The following RASAL3 variants were observed in gnomAD, a reference collection of about 807,000 sequenced individuals.
The protein encoded by RASAL3 is RAS protein activator like 3, also known as RAS protein activator like-3.
A neutral mutation model predicts 105.5 loss-of-function variants in RASAL3; 74 were observed. The ratio of observed to expected loss-of-function variants is 0.70; its 90% CI spans 0.58 to 0.85. The LOEUF (loss-of-function observed/expected upper bound fraction) is 0.85. Among genes scored for constraint, RASAL3 ranks in the 40% least tolerant of loss-of-function variants. The pLI, the probability that RASAL3 is intolerant of heterozygous loss-of-function variation, is 0.00. For synonymous variants in RASAL3, 579 were observed against 591.6 expected (o/e 0.98, Z 0.31); for missense variants, 1,352 against 1,392.0 (o/e 0.97, Z 0.46).
In RASAL3 at chr19:15,454,139, T is replaced by C. The variant is rs776654238; in HGVS notation, c.2279+10A>G. ...CCACCCATCAGACCCCAGACCAGAC[T>C]TGAGGTTACCTGGAGTGGACCTGGG... is the stretch of plus-strand genomic sequence containing the variant. On this transcript the variant is annotated intron_variant, in intron 14 of 17. Transcript: ENST00000343625. 18 of 1,548,246 alleles carry C rather than the reference T, an allele frequency of 1.2e-5. No homozygotes were observed. The South Asian group carries it at 2.2e-4, about 19-fold the overall frequency.
At position 15,454,495 on chromosome 19, in the gene RASAL3, GCATGGCTGGTC is replaced by G. The variant is rs1194708281; in HGVS notation, c.2015_2025del (p.Gly672AlafsTer24). On this transcript the variant is annotated frameshift_variant, in exon 13 of 18. Coordinates refer to ENST00000343625, the MANE Select transcript of RASAL3 (RefSeq NM_022904.3). LOFTEE classifies it high-confidence loss of function. ...ATGGCTACCTGGTCCAGGAAGCATT[GCATGGCTGGTC>G]CATGTTCCTCCAGGAAGCTATTCAT... 2 of 1,613,880 alleles carry G rather than the reference GCATGGCTGGTC, an allele frequency of 1.2e-6. No homozygotes were observed. The highest frequency in any genetic ancestry group is 2.7e-5 in the African/African-American group (2 of 74,934).
In RASAL3 at chr19:15,456,311, C is replaced by T. The variant is rs562768445; in HGVS notation, c.1577-63G>A. 7.8e-5 allele frequency: 124 copies of T among 1,589,794 alleles called. No homozygotes were observed. In the African/African-American group the frequency reaches 1.3e-3, roughly 17 times the overall value. ...GACCACCAAAACCTGCCACACCCATCCTCCAACCTTGTCTTCAGGTTATTC... is the reference window on the plus strand; with the variant it reads ...GACCACCAAAACCTGCCACACCCATTCTCCAACCTTGTCTTCAGGTTATTC... On this transcript the variant is annotated intron_variant, in intron 10 of 17. Coordinates refer to ENST00000343625, the MANE Select transcript of RASAL3 (RefSeq NM_022904.3). This position sits in a 1 kb window ranked among gnomAD's most constrained non-coding sequence, Gnocchi z 4.4.
At chr19:15,452,561 T>C (rs1970183768) in intron 16 of RASAL3, 97 bp downstream of exon 16, 2 of 988,602 alleles carry the variant, frequency 2.0e-6, no homozygotes, top group Admixed American at 9.3e-5. Flanking sequence ...GGCTTGGCCG[T>C]GCTAGGCGTG....
chr19:15,456,029 G>C lies in RASAL3; in HGVS notation c.1721+75C>G. 1 of 1,510,016 alleles carries C rather than the reference G, an allele frequency of 6.6e-7. No individual in the cohort carries two copies. Among genetic ancestry groups the C allele is most frequent in the South Asian group, 1.2e-5 (1 of 82,944 alleles). The allele number at this position is 1,510,016 out of a possible 1,614,324, so 93.5% of individuals were successfully genotyped here. ...ACTGAGTGTCTCCTGTATTTTATCT[G>C]GCCACCCTAAACTGGAGGTCGGGGC... On this transcript the variant is annotated intron_variant, in intron 11 of 17. Transcript: ENST00000343625. The surrounding 1 kb of genome is among the most constrained non-coding windows in gnomAD (Gnocchi z 4.4).
At chr19:15,452,584 G>A (rs1378437261) in intron 16 of RASAL3, 74 bp downstream of exon 16, 78 of 1,210,992 alleles carry the variant, frequency 6.4e-5, no homozygotes, top group Non-Finnish European at 7.3e-5. Context: ...TTGGGGGGGG[G>A]GGGGAGGGCC....
intron 5 of RASAL3, among the ~76,000 whole-genome samples, chr19:15,460,819 C>T (rs1189651767): frequency 6.6e-6 from 1 of 152,208 alleles, no homozygotes; most frequent in Non-Finnish European, 1.5e-5. Context: ...CTCAGCCTCC[C>T]GAGTAGCTTG....
At position 15,464,086 on chromosome 19, in the gene RASAL3, C is replaced by T. The variant is rs781299406; in HGVS notation, c.273G>A (p.Gly91=). The T allele has an allele frequency of 1.9e-6, 3 of 1,603,962 alleles. No individual in the cohort carries two copies. The highest frequency in any genetic ancestry group is 1.3e-5 in the African/African-American group (1 of 74,626). ...SRLRLSKALW[G]RHKNPPPEPD... is the part of the protein sequence containing the mutation. ...GCTCCGGCGGTGGGTTCTTATGCCT[C>T]CCCCAGAGGGCCTTGGAGAGTCGAA... is the stretch of plus-strand genomic sequence containing the variant. Residue 91 remains glycine (G), a synonymous_variant, in exon 2 of 18, where the codon GGG becomes GGA. Coordinates refer to ENST00000343625, the MANE Select transcript of RASAL3 (RefSeq NM_022904.3).
intron 6 of RASAL3, among the ~76,000 whole-genome samples, chr19:15,459,982 C>G (rs1970458167): frequency 6.6e-6 from 1 of 152,184 alleles, no homozygotes; most frequent in South Asian, 2.1e-4. Flanking sequence ...CCCTCCCAGA[C>G]CAGTTGATTG....
In RASAL3 at chr19:15,454,714, G is replaced by C. The variant is rs746110659; in HGVS notation, c.1901C>G (p.Pro634Arg). The C allele has an allele frequency of 6.2e-7, 1 of 1,611,432 alleles. No homozygotes were observed. The highest frequency in any genetic ancestry group is 1.1e-5 in the South Asian group (1 of 90,660). The change falls in exon 12 of 18, where the codon CCA (proline) becomes CGA (arginine). Residue 634 changes from proline (P) to arginine (R), a missense_variant. Around this residue, in one of 3 missense-constraint regions of RASAL3, gnomAD observed 920 missense variants for 919.6 expected, o/e 1.00. Coordinates refer to ENST00000343625, the MANE Select transcript of RASAL3 (RefSeq NM_022904.3). ...GGCAATCAGTGTGAGGGTGCGGGCT[G>C]GGCCGGGTGCTGGATGGTCTGGTGC... The part of the protein sequence containing the change: ...GLAPDHPAPG[P>R]ARTLTLIAKV...
intron 17 of RASAL3, 48 bp downstream of exon 17, chr19:15,451,997 G>C: frequency 1.2e-6 from 2 of 1,613,714 alleles, no homozygotes; most frequent in Non-Finnish European, 1.7e-6. Context: ...CGCAACCCTT[G>C]CTCCTCCACC....
In RASAL3 at chr19:15,456,179, G is replaced by A. The variant is rs1175003446; in HGVS notation, c.1646C>T (p.Ser549Leu). 7.4e-6 allele frequency: 12 copies of A among 1,613,790 alleles called. No individual in the cohort carries two copies. In the East Asian group the frequency reaches 8.9e-5, roughly 12 times the overall value. The change falls in exon 11 of 18, where the codon TCG becomes TTG. Residue 549 changes from serine (S) to leucine (L), a missense_variant. Around this residue, in one of 3 missense-constraint regions of RASAL3, gnomAD observed 920 missense variants for 919.6 expected, o/e 1.00. Coordinates refer to ENST00000343625, the MANE Select transcript of RASAL3 (RefSeq NM_022904.3). This position sits in a 1 kb window ranked among gnomAD's most constrained non-coding sequence, Gnocchi z 4.4. ...CEVDPSKCPA[S>L]ELPEHQARLR... ...TCTGGCCTGGTGCTCTGGCAGCTCC[G>A]AGGCTGGACATTTGCTGGGGTCCAC...
chr19:15,457,332 G>A lies in RASAL3; in HGVS notation c.1391C>T (p.Ala464Val). Residue 464 changes from alanine to valine, a missense_variant, in exon 9 of 18, where the codon GCA becomes GTA. By Grantham distance (64) the Ala-to-Val change is moderately conservative (BLOSUM62 0). This residue lies in a region of RASAL3 where 920 missense variants were observed against 919.6 expected (regional missense o/e 1.00). Transcript: ENST00000343625. The surrounding 1 kb of genome is among the most constrained non-coding windows in gnomAD (Gnocchi z 8.6). ...GGCCCGCAGCACGCGCACCATGGCTGCCGCCAGCTCCTCCTTGGCCTGCGC... is the reference window on the plus strand; with the variant it reads ...GGCCCGCAGCACGCGCACCATGGCTACCGCCAGCTCCTCCTTGGCCTGCGC... The part of the protein sequence containing the change: ...LPAQAKEELA[A>V]AMVRVLRATG... The A allele has an allele frequency of 7.3e-7, 1 of 1,368,416 alleles. No individual in the cohort carries two copies. 84.8% of individuals were successfully genotyped at this position (1,368,416 alleles called of 1,614,324 possible).
Position 15,457,618 on chromosome 19 carries a change from G to A in RASAL3, c.1105C>T (p.Arg369Trp). The A allele has an allele frequency of 7.2e-7, 1 of 1,382,930 alleles. No homozygotes were observed. The highest frequency in any genetic ancestry group is 9.4e-7 in the Non-Finnish European group (1 of 1,066,282). The allele number at this position is 1,382,930 out of a possible 1,614,324, so 85.7% of individuals were successfully genotyped here. A position where few individuals can be genotyped will look rare whatever the true frequency, so the allele number is the denominator to read the frequency against. ...CTTCCCGGGCCCAAGCCGCGCAGCC[G>A]CAGCGACAGGCGACGTGCCGGTGGC... ...ALPPARRLSL[R>W]LRGLGPGSAV... is the part of the protein sequence containing the mutation. Residue 369 changes from arginine to tryptophan, a missense_variant, in exon 9 of 18, where the codon CGG becomes TGG. Coordinates refer to ENST00000343625, the MANE Select transcript of RASAL3 (RefSeq NM_022904.3). The surrounding 1 kb of genome is among the most constrained non-coding windows in gnomAD (Gnocchi z 8.6).
At position 15,456,880 on chromosome 19, in the gene RASAL3, G is replaced by T; in HGVS notation, c.1432-234C>A. On this transcript the variant is annotated intron_variant, in intron 9 of 17. Transcript: ENST00000343625. This position sits in a 1 kb window ranked among gnomAD's most constrained non-coding sequence, Gnocchi z 4.4. ...CTGGGCCCCGCCCCTCACGCGTGAT[G>T]CTCAGGCCCCTGTCGCAGCTGAAGC... 1 of 581,462 alleles carries T rather than the reference G, an allele frequency of 1.7e-6. No homozygotes were observed. The allele number at this position is 581,462 out of a possible 1,614,324, so 36.0% of individuals were successfully genotyped here. A position where few individuals can be genotyped will look rare whatever the true frequency, so the allele number is the denominator to read the frequency against.
rs1199849894 is a variant in RASAL3 at position 15,456,157 on chromosome 19, G to A, written c.1668C>T (p.Ala556=). ...CPASELPEHQ[A]RLRNSCEEVF... ...CCTCCTCGCAGCTGTTCCGAAGTCT[G>A]GCCTGGTGCTCTGGCAGCTCCGAGG... The change falls in exon 11 of 18, where the codon GCC becomes GCT. Residue 556 remains alanine (A), a synonymous_variant. Transcript: ENST00000343625. The surrounding 1 kb of genome is among the most constrained non-coding windows in gnomAD (Gnocchi z 4.4). 2.5e-6 allele frequency: 4 copies of A among 1,613,744 alleles called. No homozygotes were observed. The Admixed American group carries it at 5.0e-5, about 20-fold the overall frequency.
chr19:15,462,380 G>A (rs1322970603), intron 2 of RASAL3, among the ~76,000 whole-genome samples: 1 of 152,164 alleles, frequency 6.6e-6, no homozygotes, highest in South Asian at 2.1e-4. Flanking sequence ...CAGTTACTCA[G>A]GAGGCTGAGG....
chr19:15,462,808 G>A (rs1599753683), intron 2 of RASAL3, among the ~76,000 whole-genome samples: 1 of 151,600 alleles, frequency 6.6e-6, no homozygotes, highest in South Asian at 2.1e-4. Flanking sequence ...ACAATTAGCT[G>A]GGCATGGTGG....
chr19:15,452,575 T>G (rs1204621253), intron 16 of RASAL3, 83 bp downstream of exon 16: 12 of 837,832 alleles, frequency 1.4e-5, no homozygotes, highest in Admixed American at 1.1e-4. Flanking sequence ...AGGCGTGGTT[T>G]GGGGGGGGGG....
chr19:15,457,980 G>C lies in RASAL3; in HGVS notation c.889-146C>G. On this transcript the variant is annotated intron_variant, in intron 8 of 17. Coordinates refer to ENST00000343625, the MANE Select transcript of RASAL3 (RefSeq NM_022904.3). This position sits in a 1 kb window ranked among gnomAD's most constrained non-coding sequence, Gnocchi z 8.6. ...CCTTTGGGGAAAGAAGTGGAGCCAC[G>C]GGAGTCCGGAGGCGGTTACGCGGAA... The C allele has an allele frequency of 1.0e-6, 1 of 952,432 alleles. No individual in the cohort carries two copies. Among genetic ancestry groups the C allele is most frequent in the South Asian group, 1.7e-5 (1 of 58,812 alleles). The allele number at this position is 952,432 out of a possible 1,614,324, so 59.0% of individuals were successfully genotyped here.
Sources: allele counts gnomAD v4.1 joint callset (sites outside exome capture counted in the v4.1 genomes callset), GRCh38; gene constraint gnomAD v4.1.1; regional missense constraint gnomAD v4.1.1; non-coding constraint Gnocchi (gnomAD v3.1); transcripts MANE v1.5; gene names NCBI Gene and HGNC (gene_info 2026-07-23, HGNC 2026-07-21).